The following MYO16 variants were observed in gnomAD, a reference collection of about 807,000 sequenced individuals.
MYO16 encodes unconventional myosin-XVI.
A neutral mutation model predicts 205.3 loss-of-function variants in MYO16; 94 were observed. That is an observed-to-expected ratio of 0.46 (90% CI 0.39 to 0.54). The LOEUF (loss-of-function observed/expected upper bound fraction) is 0.54. MYO16 is among the 20% of genes least tolerant of loss of function. The pLI is 0.00. For synonymous variants in MYO16, 988 were observed against 954.0 expected, an observed-to-expected ratio of 1.04 and a Z score of -0.66; for missense variants, 2,315 against 2,387.5, an observed-to-expected ratio of 0.97 and a Z score of 0.63.
chr13:108,882,191 G>A (rs1480737571), intron 12 of MYO16, among the ~76,000 whole-genome samples: 2 of 152,188 alleles, frequency 1.3e-5, no homozygotes, highest in Non-Finnish European at 2.9e-5. Flanking sequence ...ATTCTCCTGT[G>A]TAACCTCCCT....
At chr13:108,673,569 C>G (rs1882082426) in intron 2 of MYO16, among the ~76,000 whole-genome samples, 1 of 152,012 alleles carries the variant, frequency 6.6e-6, no homozygotes, top group African/African-American at 2.4e-5. Flanking sequence ...AAATGTAACA[C>G]TGGGATACCT....
At chr13:108,579,507 C>A in the MYO16 span, among the ~76,000 whole-genome samples, 1 of 146,076 alleles carries the variant, frequency 6.8e-6, no homozygotes, top group Non-Finnish European at 1.5e-5. Context: ...GTGGCGCGAT[C>A]TCTGCTCACT....
At chr13:109,036,905 A>G (rs1886735373) in intron 23 of MYO16, among the ~76,000 whole-genome samples, 1 of 152,312 alleles carries the variant, frequency 6.6e-6, no homozygotes, top group East Asian at 1.9e-4. Context: ...CCCACAAATA[A>G]TAAACCAAAA....
At chr13:108,957,666 T>C in intron 16 of MYO16, 22 bp from the exon 17 acceptor site, 1 of 1,551,170 alleles carries the variant, frequency 6.4e-7, no homozygotes, top group South Asian at 1.1e-5. Flanking sequence ...GCGATAACGT[T>C]ACGTGCCTTG....
At chr13:108,547,656 T>C in the MYO16 span, among the ~76,000 whole-genome samples, 6 of 152,366 alleles carry the variant, frequency 3.9e-5, no homozygotes, top group Admixed American at 1.3e-4. Context: ...AAATAGGCTA[T>C]AGGCCATTTA....
chr13:109,015,629 C>G (rs1885783283), intron 22 of MYO16, among the ~76,000 whole-genome samples: 1 of 152,176 alleles, frequency 6.6e-6, no homozygotes, highest in East Asian at 1.9e-4. Flanking sequence ...ATTGTTGCCT[C>G]AATTTCAGTG....
chr13:108,938,679 C>T (rs1158863721), intron 16 of MYO16, among the ~76,000 whole-genome samples: 1 of 152,198 alleles, frequency 6.6e-6, no homozygotes, highest in Non-Finnish European at 1.5e-5. Context: ...AGGCATTCTC[C>T]AGGCAAGCAG....
intron 16 of MYO16, among the ~76,000 whole-genome samples, chr13:108,948,333 A>G (rs1431004369): frequency 6.6e-6 from 1 of 152,270 alleles, no homozygotes; most frequent in Non-Finnish European, 1.5e-5. Flanking sequence ...CAGCAGATAA[A>G]AAAACTGAGC....
intron 4 of MYO16, among the ~76,000 whole-genome samples, chr13:108,777,833 C>T (rs1886172389): frequency 6.6e-6 from 1 of 152,180 alleles, no homozygotes; most frequent in African/African-American, 2.4e-5. Flanking sequence ...AACATTTTTG[C>T]ATACATACCT....
intron 22 of MYO16, among the ~76,000 whole-genome samples, chr13:109,014,426 T>G (rs1885730596): frequency 6.6e-6 from 1 of 152,238 alleles, no homozygotes; most frequent in South Asian, 2.1e-4. Flanking sequence ...TTCTTTTTGC[T>G]TAGGGTTGTC....
At chr13:109,090,999 T>C (rs1888603607) in intron 27 of MYO16, among the ~76,000 whole-genome samples, 1 of 152,196 alleles carries the variant, frequency 6.6e-6, no homozygotes, top group Admixed American at 6.5e-5. Flanking sequence ...GCAGCTGTTA[T>C]GTTCAACCCA....
At chr13:108,783,692 T>TG (rs1291158101) in intron 4 of MYO16, among the ~76,000 whole-genome samples, 1 of 152,156 alleles carries the variant, frequency 6.6e-6, no homozygotes, top group Non-Finnish European at 1.5e-5. Context: ...CATTGAATCA[T>TG]GGGGGTCGGT....
chr13:108,763,249 A>G (rs1594274819), intron 4 of MYO16, among the ~76,000 whole-genome samples: 1 of 152,190 alleles, frequency 6.6e-6, no homozygotes, highest in Non-Finnish European at 1.5e-5. Flanking sequence ...ATGGAATGGT[A>G]TATACTCACT....
chr13:108,798,006 C>T (rs1886843604), intron 6 of MYO16, among the ~76,000 whole-genome samples: 1 of 152,096 alleles, frequency 6.6e-6, no homozygotes, highest in African/African-American at 2.4e-5. Context: ...TCTAAAATAA[C>T]CAAATCTTGT....
At chr13:109,024,650 G>T (rs1362791508) in intron 23 of MYO16, among the ~76,000 whole-genome samples, 3 of 152,100 alleles carry the variant, frequency 2.0e-5, no homozygotes, top group African/African-American at 7.2e-5. Context: ...CTAAACCCCT[G>T]TGGAAACATG....
At chr13:108,540,053 T>A in the MYO16 span, among the ~76,000 whole-genome samples, 61 of 152,232 alleles carry the variant, frequency 4.0e-4, no homozygotes, top group Admixed American at 1.5e-3. Context: ...GGGAGAAGTA[T>A]ATTATCAGCA....
At chr13:109,137,846 T>C (rs879875483) in intron 31 of MYO16, among the ~76,000 whole-genome samples, 3 of 152,152 alleles carry the variant, frequency 2.0e-5, no homozygotes, top group African/African-American at 7.2e-5. Context: ...CTTCTCAAAT[T>C]ACAACCCTGC....
At chr13:108,774,556 A>AT (rs896858062) in intron 4 of MYO16, among the ~76,000 whole-genome samples, 7 of 150,246 alleles carry the variant, frequency 4.7e-5, no homozygotes, top group Non-Finnish European at 8.9e-5. Flanking sequence ...GATGTGATTG[A>AT]TTTTTTTTTT....
intron 13 of MYO16, among the ~76,000 whole-genome samples, chr13:108,886,058 G>T (rs538315790): frequency 6.6e-6 from 1 of 152,064 alleles, no homozygotes; most frequent in East Asian, 1.9e-4. Context: ...CGCGATCTGG[G>T]CTCACTGCAA....
Sources: allele counts gnomAD v4.1 joint callset (sites outside exome capture counted in the v4.1 genomes callset), GRCh38; gene constraint gnomAD v4.1.1; transcripts MANE v1.5; gene names NCBI Gene and HGNC (gene_info 2026-07-23, HGNC 2026-07-21).